The following DNAH6 variants were observed in gnomAD, a reference collection of about 807,000 sequenced individuals.
DNAH6 encodes the protein dynein axonemal heavy chain 6.
Under a neutral mutation model 491.4 loss-of-function variants are expected in DNAH6, and 340 were observed. The ratio of observed to expected loss-of-function variants is 0.69; its 90% CI spans 0.63 to 0.76. The LOEUF is 0.76. Ranked by LOEUF, DNAH6 falls within the 30% of genes least tolerant of loss-of-function variation. The pLI is 0.00. For synonymous variants in DNAH6, 1,603 were observed against 1,686.1 expected (o/e 0.95, Z 1.21); for missense variants, 4,443 against 4,972.2 (o/e 0.89, Z 3.20).
rs1682532353 is a variant in DNAH6, at chr2:84,577,200, G to A, written c.1925-57G>A. The A allele has an allele frequency of 1.7e-5, 18 of 1,054,588 alleles. No homozygotes were observed. The South Asian group carries it at 4.0e-4, about 23-fold the overall frequency. 65.3% of individuals were successfully genotyped at this position (1,054,588 alleles called of 1,614,324 possible). On this transcript the variant is annotated intron_variant, in intron 12 of 76. Transcript: ENST00000389394. The stretch of plus-strand genomic sequence containing the variant: ...AATGATTTTTAATATATTTTGTAAT[G>A]ATCTTTTAAAATCCAATATGGTATA...
intron 21 of DNAH6, among the ~76,000 whole-genome samples, chr2:84,607,674 T>C (rs1685907488): frequency 6.6e-6 from 1 of 152,206 alleles, no homozygotes; most frequent in South Asian, 2.1e-4. Flanking sequence ...ATGTTTATAG[T>C]GTACTGTAGT....
At chr2:84,576,805 G>GA (rs1437283251) in intron 12 of DNAH6, among the ~76,000 whole-genome samples, 1 of 152,180 alleles carries the variant, frequency 6.6e-6, no homozygotes, top group Non-Finnish European at 1.5e-5. Context: ...GATGTGTTGG[G>GA]AAGAGAAACA....
chr2:84,754,547 A>T (rs1256737102), intron 63 of DNAH6, among the ~76,000 whole-genome samples: 1 of 152,178 alleles, frequency 6.6e-6, no homozygotes, highest in Non-Finnish European at 1.5e-5. Context: ...ACTACTCCTT[A>T]CCCATTGAAT....
intron 37 of DNAH6, among the ~76,000 whole-genome samples, chr2:84,661,272 T>G (rs1204265441): frequency 6.6e-6 from 1 of 152,082 alleles, no homozygotes; most frequent in Non-Finnish European, 1.5e-5. Context: ...ACAACCCAGT[T>G]TTTAAAAAGG....
At chr2:84,526,029 T>A (rs1676575847) in intron 3 of DNAH6, among the ~76,000 whole-genome samples, 1 of 152,138 alleles carries the variant, frequency 6.6e-6, no homozygotes, top group South Asian at 2.1e-4. Flanking sequence ...GAAATTTTCA[T>A]CATTTTTACC....
At chr2:84,511,783 C>T (rs550716122), upstream of DNAH6, among the ~76,000 whole-genome samples, 44 of 152,186 alleles carry the variant, frequency 2.9e-4, no homozygotes, top group Middle Eastern at 3.4e-3. Context: ...ATCATGCTGT[C>T]TTTTTTCCCT....
intron 47 of DNAH6, among the ~76,000 whole-genome samples, chr2:84,698,421 G>C (rs1352135683): frequency 6.6e-6 from 1 of 152,210 alleles, no homozygotes; most frequent in Non-Finnish European, 1.5e-5. Flanking sequence ...ATTCCAGACT[G>C]AACTGATTGG....
intron 40 of DNAH6, 150 bp from the exon 41 acceptor site, chr2:84,676,855 T>A: frequency 1.2e-6 from 1 of 857,924 alleles, no homozygotes; most frequent in Non-Finnish European, 1.8e-6. Context: ...ATTATAGTGA[T>A]CTCTTGGAGT....
Position 84,814,094 on chromosome 2 carries a change from T to C in DNAH6, c.12122T>C (p.Phe4041Ser), listed in dbSNP as rs1042102196. 2 of 1,551,690 alleles carry C rather than the reference T, an allele frequency of 1.3e-6. No individual in the cohort carries two copies. Among genetic ancestry groups the C allele is most frequent in the African/African-American group, 1.4e-5 (1 of 73,154 alleles). ...ATAGAAGCTGCCAAGACAGTGCAAT[T>C]TGGACAAGAACTGCCCATGGACATG... ...AVIEAAKTVQ[F>S]GQELPMDMEL... is the part of the protein sequence containing the mutation. Residue 4041 changes from phenylalanine to serine, a missense_variant, in exon 75 of 77, where the codon TTT (phenylalanine) becomes TCT (serine). Phe to Ser is a radical substitution (Grantham distance 155). This residue lies in a region of DNAH6 where 1,463 missense variants were observed against 1,656.6 expected (regional missense o/e 0.88). Coordinates refer to ENST00000389394, the MANE Select transcript of DNAH6 (RefSeq NM_001370.2).
chr2:84,722,059 G>A (rs1490991103), intron 59 of DNAH6, among the ~76,000 whole-genome samples: 2 of 152,140 alleles, frequency 1.3e-5, no homozygotes, highest in South Asian at 2.1e-4. Flanking sequence ...TGAAAGCATC[G>A]CTAACTCATT....
Position 84,548,227 on chromosome 2 carries a change from A to T in DNAH6, c.1187-61A>T, listed in dbSNP as rs1008235899. 16 of 1,495,584 alleles carry T rather than the reference A, an allele frequency of 1.1e-5. No individual in the cohort carries two copies. In the African/African-American group the frequency reaches 1.8e-4, roughly 17 times the overall value. 92.6% of individuals were successfully genotyped at this position (1,495,584 alleles called of 1,614,324 possible). A position where few individuals can be genotyped will look rare whatever the true frequency, so the allele number is the denominator to read the frequency against. The stretch of plus-strand genomic sequence containing the variant: ...TTTGTTTATCTTTTCTTTGAATCAT[A>T]TTGAAAGAGATGGAACTTTTACACA... On this transcript the variant is annotated intron_variant, in intron 7 of 76. Coordinates refer to ENST00000389394, the MANE Select transcript of DNAH6 (RefSeq NM_001370.2).
chr2:84,737,218 A>G (rs1365675284), intron 62 of DNAH6, among the ~76,000 whole-genome samples: 2 of 151,984 alleles, frequency 1.3e-5, no homozygotes, highest in African/African-American at 4.8e-5. Context: ...TATGCTGCTG[A>G]ATTCAGTTTG....
intron 62 of DNAH6, among the ~76,000 whole-genome samples, chr2:84,734,354 A>T (rs372211493): frequency 9.5e-4 from 145 of 151,932 alleles, no homozygotes; most frequent in African/African-American, 3.3e-3. Context: ...GTTAGCCAGG[A>T]TGGTCTCGAT....
chr2:84,699,472 C>G, intron 47 of DNAH6, 122 bp from the exon 48 acceptor site: 1 of 829,088 alleles, frequency 1.2e-6, no homozygotes, highest in Non-Finnish European at 1.8e-6. Context: ...AGAAAATTTA[C>G]ATATCTACTA....
Position 84,814,105 on chromosome 2 carries a change from C to G in DNAH6, c.12133C>G (p.Leu4045Val). Reference protein sequence around the residue: ...AAKTVQFGQELPMDMELPSPE... With the variant: ...AAKTVQFGQEVPMDMELPSPE... ...CAAGACAGTGCAATTTGGACAAGAACTGCCCATGGACATGGAGGTATTGTC... is the reference window on the plus strand; with the variant it reads ...CAAGACAGTGCAATTTGGACAAGAAGTGCCCATGGACATGGAGGTATTGTC... Residue 4045 changes from leucine (L) to valine (V), a missense_variant, in exon 75 of 77, where the codon CTG (leucine) becomes GTG (valine). This residue lies in a region of DNAH6 where 1,463 missense variants were observed against 1,656.6 expected (regional missense o/e 0.88). Transcript: ENST00000389394. The G allele has an allele frequency of 6.4e-7, 1 of 1,551,672 alleles. No homozygotes were observed. Among genetic ancestry groups the G allele is most frequent in the Non-Finnish European group, 8.7e-7 (1 of 1,146,984 alleles).
At chr2:84,559,057 C>T (rs1680371880) in intron 11 of DNAH6, among the ~76,000 whole-genome samples, 1 of 152,080 alleles carries the variant, frequency 6.6e-6, no homozygotes, top group African/African-American at 2.4e-5. Flanking sequence ...ATGATTGTAA[C>T]TGTCATGGTA....
At chr2:84,463,207 G>C in the DNAH6 span, among the ~76,000 whole-genome samples, 2 of 152,140 alleles carry the variant, frequency 1.3e-5, no homozygotes, top group African/African-American at 4.8e-5. Context: ...CACTACTGCA[G>C]GAACATACAG....
intron 12 of DNAH6, among the ~76,000 whole-genome samples, chr2:84,576,253 T>C (rs956601483): frequency 1.3e-5 from 2 of 152,162 alleles, no homozygotes; most frequent in African/African-American, 4.8e-5. Flanking sequence ...TTCTGTCTTA[T>C]ATTATGAGGA....
intron 4 of DNAH6, among the ~76,000 whole-genome samples, chr2:84,536,172 G>A (rs1262975323): frequency 2.0e-5 from 3 of 151,916 alleles, no homozygotes; most frequent in Admixed American, 1.3e-4. Flanking sequence ...ATTTTTCGTT[G>A]TTTCATAGTT....
Sources: gnomAD v4.1 joint callset for allele counts (sites outside exome capture counted in the v4.1 genomes callset) on GRCh38, gnomAD v4.1.1 for gene constraint, gnomAD v4.1.1 regional missense constraint, MANE v1.5 for transcripts, NCBI Gene and HGNC (gene_info 2026-07-23, HGNC 2026-07-21) for gene names.